AGAP1: variants seen among roughly 807,000 people sequenced by gnomAD.
The protein encoded by AGAP1 is ArfGAP with GTPase domain, ankyrin repeat and PH domain 1, also known as arf-GAP with GTPase, ANK repeat and PH domain-containing protein 1.
A neutral mutation model predicts 105.3 loss-of-function variants in AGAP1; 29 were observed. The ratio of observed to expected loss-of-function variants is 0.28; its 90% CI spans 0.21 to 0.38. The LOEUF (loss-of-function observed/expected upper bound fraction) is 0.38. AGAP1 is among the 10% of genes least tolerant of loss of function. The pLI, the probability that AGAP1 is intolerant of heterozygous loss-of-function variation, is 1.00. For missense variants in AGAP1, 998 were observed against 1,165.1 expected, an observed-to-expected ratio of 0.86 and a Z score of 2.09; for synonymous variants, 509 against 485.9, an observed-to-expected ratio of 1.05 and a Z score of -0.63.
At chr2:236,098,235 C>T (rs546555426) in intron 16 of AGAP1, among the ~76,000 whole-genome samples, 68 of 152,266 alleles carry the variant, frequency 4.5e-4, no homozygotes, top group Admixed American at 9.8e-4. Flanking sequence ...ACTAATTCCA[C>T]GCTGAACCGT....
At chr2:235,860,161 G>C (rs560925140) in intron 9 of AGAP1, among the ~76,000 whole-genome samples, 3 of 152,112 alleles carry the variant, frequency 2.0e-5, no homozygotes, top group African/African-American at 7.2e-5. Flanking sequence ...ACAGTGAAAA[G>C]ATAGTTGTCA....
At chr2:236,077,880 G>A (rs2058681868) in intron 16 of AGAP1, among the ~76,000 whole-genome samples, 1 of 152,214 alleles carries the variant, frequency 6.6e-6, no homozygotes, top group Non-Finnish European at 1.5e-5. Context: ...CTGCTCTCCA[G>A]AAGGGTGGTG....
intron 1 of AGAP1, among the ~76,000 whole-genome samples, chr2:235,671,979 T>C (rs1948457208): frequency 6.6e-6 from 1 of 152,140 alleles, no homozygotes; most frequent in African/African-American, 2.4e-5. Context: ...CTACACCTTA[T>C]TCTCCTGGGA....
intron 6 of AGAP1, among the ~76,000 whole-genome samples, chr2:235,763,082 GC>G (rs776412959): frequency 0.23 from 35,100 of 150,750 alleles, 4,777 homozygotes; most frequent in Admixed American, 0.39. Context: ...ACGTGCACCT[GC>G]CGTGTTTGAA....
rs1299278531 is a variant in AGAP1, at chr2:235,599,238, C to G, written c.163+104389C>G. On this transcript the variant is annotated intron_variant, in intron 1 of 17. Transcript: ENST00000304032. This position sits in a 1 kb window ranked among gnomAD's most constrained non-coding sequence, Gnocchi z 5.3. Reference sequence around the variant, plus strand: ...ACGAATGCTGCGAGAACCCACACAGCTGTTCATTTCGGTGGCCGAGGGCCT... The same window carrying G: ...ACGAATGCTGCGAGAACCCACACAGGTGTTCATTTCGGTGGCCGAGGGCCT... 6.6e-6 allele frequency among the ~76,000 whole-genome samples: 1 copy of G among 152,144 alleles called. No individual in the cohort carries two copies. Among genetic ancestry groups the G allele is most frequent in the African/African-American group, 2.4e-5 (1 of 41,430 alleles).
At chr2:235,774,973 C>G (rs1169680134) in intron 6 of AGAP1, among the ~76,000 whole-genome samples, 1 of 152,176 alleles carries the variant, frequency 6.6e-6, no homozygotes, top group Non-Finnish European at 1.5e-5. Context: ...GAGCTCCCTT[C>G]TGAGAGCCAA....
At chr2:235,909,027 GT>G in intron 11 of AGAP1, 121 bp downstream of exon 11, 1 of 1,004,102 alleles carries the variant, frequency 1.0e-6, no homozygotes, top group Non-Finnish European at 1.4e-6. Flanking sequence ...ACAGATTAAG[GT>G]TTAGAAACCT....
Position 235,559,133 on chromosome 2 carries a change from C to T in AGAP1, c.163+64284C>T, listed in dbSNP as rs1195310026. ...GTGTAGGTGGGGTCTTGCCATGTTGCCCAGGCTGGTCTTGAACTCCTGGGC... is the reference window on the plus strand; with the variant it reads ...GTGTAGGTGGGGTCTTGCCATGTTGTCCAGGCTGGTCTTGAACTCCTGGGC... On this transcript the variant is annotated intron_variant, in intron 1 of 17. Coordinates refer to ENST00000304032, the MANE Select transcript of AGAP1 (RefSeq NM_001037131.3). This position sits in a 1 kb window ranked among gnomAD's most constrained non-coding sequence, Gnocchi z 5.7. Among the ~76,000 whole-genome samples, 3 of 152,100 alleles carry T rather than the reference C, an allele frequency of 2.0e-5. No homozygotes were observed. The highest frequency in any genetic ancestry group is 2.9e-5 in the Non-Finnish European group (2 of 68,014).
At position 235,705,112 on chromosome 2, in the gene AGAP1, G is replaced by T. The variant is rs1294153725; in HGVS notation, c.164-4067G>T. Among the ~76,000 whole-genome samples the T allele has an allele frequency of 6.6e-6, 1 of 151,612 alleles. No individual in the cohort carries two copies. The highest frequency in any genetic ancestry group is 1.5e-5 in the Non-Finnish European group (1 of 67,972). On this transcript the variant is annotated intron_variant, in intron 1 of 17. Transcript: ENST00000304032. This position sits in a 1 kb window ranked among gnomAD's most constrained non-coding sequence, Gnocchi z 4.9. ...TCCTGCCTCAGCCTCCCGAGCAGCT[G>T]GGATTACAATCATGTGCCACCACGC...
intron 13 of AGAP1, among the ~76,000 whole-genome samples, chr2:235,998,393 G>C (rs536853080): frequency 3.9e-4 from 60 of 152,216 alleles, no homozygotes; most frequent in Non-Finnish European, 7.1e-4. Context: ...GGAGTGAGAA[G>C]ATGGATGCCT....
chr2:235,709,991 TTATG>T (rs1052985598), intron 2 of AGAP1, among the ~76,000 whole-genome samples: 5 of 152,230 alleles, frequency 3.3e-5, no homozygotes, highest in Admixed American at 1.3e-4. Context: ...ATGTTTATAT[TTATG>T]TAGGTATCTA....
chr2:235,829,601 CT>C (rs750073825), intron 9 of AGAP1, among the ~76,000 whole-genome samples: 2 of 152,196 alleles, frequency 1.3e-5, no homozygotes, highest in Non-Finnish European at 2.9e-5. Flanking sequence ...ATGATGTTAG[CT>C]TGTTATATAT....
intron 13 of AGAP1, among the ~76,000 whole-genome samples, chr2:236,011,696 C>G (rs758453708): frequency 3.9e-5 from 6 of 152,124 alleles, no homozygotes; most frequent in Non-Finnish European, 8.8e-5. Context: ...GAGGAAGAAA[C>G]TGTATTCCTG....
rs574210611 is a variant in AGAP1 at position 235,527,063 on chromosome 2, G to C, written c.163+32214G>C. On this transcript the variant is annotated intron_variant, in intron 1 of 17. Coordinates refer to ENST00000304032, the MANE Select transcript of AGAP1 (RefSeq NM_001037131.3). Reference sequence around the variant, plus strand: ...TGTATCAAGCAAAAGTGAAACAGTAGTTGCTGTGTGACAAGTTAGTATTTT... The same window carrying C: ...TGTATCAAGCAAAAGTGAAACAGTACTTGCTGTGTGACAAGTTAGTATTTT... Among the ~76,000 whole-genome samples the C allele has an allele frequency of 7.9e-4, 121 of 152,302 alleles. 1 individual carries two copies. Among genetic ancestry groups the C allele is most frequent in the African/African-American group, 2.8e-3 (118 of 41,576 alleles).
rs547526665 is a variant in AGAP1 at position 235,669,634 on chromosome 2, G to GCCCGCCACCCGCCACCCGCCA, written c.164-39528_164-39527insGCCACCCGCCACCCGCCACCC. 3 of 147,986 alleles carry GCCCGCCACCCGCCACCCGCCA rather than the reference G, an allele frequency of 2.0e-5. No homozygotes were observed. In the Admixed American group the frequency reaches 2.0e-4, roughly 10 times the overall value. 9.2% of individuals were successfully genotyped at this position (147,986 alleles called of 1,614,324 possible). On this transcript the variant is annotated intron_variant, in intron 1 of 17. Coordinates refer to ENST00000304032, the MANE Select transcript of AGAP1 (RefSeq NM_001037131.3). ...TTTCCATTTTAAACCGCCGCCCGCCGCCCGCCACCCGCCACCCTTCGGCCG... is the reference window on the plus strand; with the variant it reads ...TTTCCATTTTAAACCGCCGCCCGCCGCCCGCCACCCGCCACCCGCCACCCGCCACCCGCCACCCTTCGGCCG...
At position 235,875,453 on chromosome 2, in the gene AGAP1, C is replaced by A. The variant is rs1413106655; in HGVS notation, c.1051-7892C>A. On this transcript the variant is annotated intron_variant, in intron 9 of 17. Coordinates refer to ENST00000304032, the MANE Select transcript of AGAP1 (RefSeq NM_001037131.3). This position sits in a 1 kb window ranked among gnomAD's most constrained non-coding sequence, Gnocchi z 4.0. ...ATGATTGTCAGGGCTGAGAACCCAG[C>A]ACAGGTCTGTGATGCCCACGAGGCT... 6.6e-6 allele frequency among the ~76,000 whole-genome samples: 1 copy of A among 152,200 alleles called. No homozygotes were observed. Among genetic ancestry groups the A allele is most frequent in the Non-Finnish European group, 1.5e-5 (1 of 68,042 alleles).
At chr2:235,536,063 G>A (rs918661372) in intron 1 of AGAP1, among the ~76,000 whole-genome samples, 9 of 151,190 alleles carry the variant, frequency 6.0e-5, no homozygotes, top group African/African-American at 1.9e-4. Context: ...GGAGATGGAG[G>A]GGGCTGCCTT....
Position 235,741,701 on chromosome 2 carries a change from G to GTTA in AGAP1, c.396+665_396+667dup, listed in dbSNP as rs537410002. Among the ~76,000 whole-genome samples the GTTA allele has an allele frequency of 6.7e-6, 1 of 150,194 alleles. No homozygotes were observed. Among genetic ancestry groups the GTTA allele is most frequent in the Non-Finnish European group, 1.5e-5 (1 of 67,472 alleles). On this transcript the variant is annotated intron_variant, in intron 4 of 17. Coordinates refer to ENST00000304032, the MANE Select transcript of AGAP1 (RefSeq NM_001037131.3). The surrounding 1 kb of genome is among the most constrained non-coding windows in gnomAD (Gnocchi z 4.9). The stretch of plus-strand genomic sequence containing the variant: ...ACCAGTTAAGCACTTTATTATTATT[G>GTTA]TTATTATTATTATTGTTGTTGTTGT...
rs1357608028 is a variant in AGAP1 at position 235,874,314 on chromosome 2, G to A, written c.1051-9031G>A. Among the ~76,000 whole-genome samples, 2 of 152,212 alleles carry A rather than the reference G, an allele frequency of 1.3e-5. No individual in the cohort carries two copies. Among genetic ancestry groups the A allele is most frequent in the African/African-American group, 4.8e-5 (2 of 41,446 alleles). ...TCTGCCGGCCTCGGCCTCCCAAAGTGCTGGGGTTACAGATGTAAGCCACTG... is the reference window on the plus strand; with the variant it reads ...TCTGCCGGCCTCGGCCTCCCAAAGTACTGGGGTTACAGATGTAAGCCACTG... On this transcript the variant is annotated intron_variant, in intron 9 of 17. Transcript: ENST00000304032. This position sits in a 1 kb window ranked among gnomAD's most constrained non-coding sequence, Gnocchi z 4.5.
Sources: gnomAD v4.1 joint callset for allele counts (sites outside exome capture counted in the v4.1 genomes callset) on GRCh38, gnomAD v4.1.1 for gene constraint, Gnocchi (gnomAD v3.1) non-coding constraint, MANE v1.5 for transcripts, NCBI Gene and HGNC (gene_info 2026-07-23, HGNC 2026-07-21) for gene names.